FAM227B: variants seen among roughly 807,000 people sequenced by gnomAD.
FAM227B encodes family with sequence similarity 227 member B.
Under a neutral mutation model 73.8 loss-of-function variants are expected in FAM227B, and 88 were observed. The ratio of observed to expected loss-of-function variants is 1.19; its 90% CI spans 1.00 to 1.42. The LOEUF (loss-of-function observed/expected upper bound fraction) is 1.42, where lower values mean the gene tolerates loss of function less well. FAM227B is among the 40% of genes most tolerant of loss of function. FAM227B has a pLI of 0.00. For missense variants in FAM227B, 632 were observed against 590.9 expected, an observed-to-expected ratio of 1.07 and a Z score of -0.72; for synonymous variants, 210 against 190.5, an observed-to-expected ratio of 1.10 and a Z score of -0.84.
At chr15:49,462,651 C>A (rs2053910266) in intron 11 of FAM227B, among the ~76,000 whole-genome samples, 1 of 152,202 alleles carries the variant, frequency 6.6e-6, no homozygotes, top group African/African-American at 2.4e-5. Flanking sequence ...GGAAAGCTAA[C>A]TCACTGTTGC....
Position 49,371,380 on chromosome 15 carries a change from TATA to T in FAM227B, c.1029_1031del (p.Ile344del). ...ATGCTCTTGGGTTGTTCAGAATCTTTATAATATTGAAGTCGATACCTAAAACAG... is the reference window on the plus strand; with the variant it reads ...ATGCTCTTGGGTTGTTCAGAATCTTTATATTGAAGTCGATACCTAAAACAG... On this transcript the variant is annotated inframe_deletion, in exon 12 of 16. Coordinates refer to ENST00000299338, the MANE Select transcript of FAM227B (RefSeq NM_152647.3). 1 of 1,573,726 alleles carries T rather than the reference TATA, an allele frequency of 6.4e-7. No homozygotes were observed. The highest frequency in any genetic ancestry group is 2.3e-5 in the East Asian group (1 of 43,450).
intron 11 of FAM227B, among the ~76,000 whole-genome samples, chr15:49,447,856 A>G (rs1394086480): frequency 6.6e-6 from 1 of 151,738 alleles, no homozygotes; most frequent in Non-Finnish European, 1.5e-5. Context: ...GAATGAATTG[A>G]ATAAACAATA....
intron 11 of FAM227B, among the ~76,000 whole-genome samples, chr15:49,416,683 C>T (rs1325212627): frequency 6.6e-6 from 1 of 151,860 alleles, no homozygotes; most frequent in African/African-American, 2.4e-5. Context: ...CATCAATGTA[C>T]AAAAATCACT....
At chr15:49,487,622 T>C (rs2056510799) in intron 11 of FAM227B, 1 of 151,818 alleles carries the variant, frequency 6.6e-6, no homozygotes, top group Non-Finnish European at 1.5e-5. Flanking sequence ...AAAGCAATCC[T>C]ATAACAAGAA....
At chr15:49,385,363 T>A (rs1160797274) in intron 11 of FAM227B, among the ~76,000 whole-genome samples, 1 of 151,906 alleles carries the variant, frequency 6.6e-6, no homozygotes, top group African/African-American at 2.4e-5. Flanking sequence ...TAAGCCTGTT[T>A]CCTCAAACAT....
rs186284449 is a variant in FAM227B at position 49,577,610 on chromosome 15, G to A, written c.441+19C>T. Reference sequence around the variant, plus strand: ...AATACACTTGATATACAATCTGGCAGAACAGAAATTTTAAGTACCTCTATA... The same window carrying A: ...AATACACTTGATATACAATCTGGCAAAACAGAAATTTTAAGTACCTCTATA... On this transcript the variant is annotated intron_variant, in intron 6 of 15. Transcript: ENST00000299338. 8.0e-6 allele frequency: 12 copies of A among 1,505,086 alleles called. No individual in the cohort carries two copies. The East Asian group carries it at 2.0e-4, about 26-fold the overall frequency. 93.2% of individuals were successfully genotyped at this position (1,505,086 alleles called of 1,614,324 possible). A position where few individuals can be genotyped will look rare whatever the true frequency, so the allele number is the denominator to read the frequency against.
At chr15:49,352,038 G>A (rs542858951) in intron 13 of FAM227B, among the ~76,000 whole-genome samples, 1 of 152,302 alleles carries the variant, frequency 6.6e-6, no homozygotes, top group Admixed American at 6.5e-5. Context: ...GTTGTTGACT[G>A]GGACTGGAGC....
intron 3 of FAM227B, among the ~76,000 whole-genome samples, chr15:49,604,125 T>C (rs1047210396): frequency 1.3e-5 from 2 of 152,222 alleles, no homozygotes; most frequent in African/African-American, 4.8e-5. Flanking sequence ...ATACTACCAA[T>C]ACACTATTAC....
At chr15:49,330,760 A>T (rs1596200185) in intron 15 of FAM227B, 1 of 148,692 alleles carries the variant, frequency 6.7e-6, no homozygotes, top group South Asian at 2.1e-4. Context: ...AAAAAAAAAG[A>T]GAGAAAGAAT....
chr15:49,437,133 A>G (rs2151817229), intron 11 of FAM227B, among the ~76,000 whole-genome samples: 1 of 151,742 alleles, frequency 6.6e-6, no homozygotes, highest in African/African-American at 2.4e-5. Context: ...AAATTGTTAT[A>G]GAATGCATAA....
intron 11 of FAM227B, among the ~76,000 whole-genome samples, chr15:49,466,584 A>T (rs1032423956): frequency 6.6e-6 from 1 of 152,152 alleles, no homozygotes; most frequent in Non-Finnish European, 1.5e-5. Flanking sequence ...TATAACATAT[A>T]TCTTATGAAT....
At chr15:49,556,911 T>C (rs1243847468) in intron 9 of FAM227B, among the ~76,000 whole-genome samples, 2 of 152,152 alleles carry the variant, frequency 1.3e-5, no homozygotes, top group East Asian at 1.9e-4. Flanking sequence ...CAAGCGTCCA[T>C]AGGGGTCATG....
Position 49,549,877 on chromosome 15 carries a change from C to A in FAM227B, c.748-8071G>T, listed in dbSNP as rs537192135. Among the ~76,000 whole-genome samples, 2 of 152,066 alleles carry A rather than the reference C, an allele frequency of 1.3e-5. 1 individual carries two copies. Among genetic ancestry groups the A allele is most frequent in the South Asian group, 4.2e-4 (2 of 4,814 alleles). On this transcript the variant is annotated intron_variant, in intron 9 of 15. Transcript: ENST00000299338. ...GTGGTGGCCGGGCAGAGGGGCTCCT[C>A]ACTTCCCAGACGGGGTGGTTGGCCG... is the stretch of plus-strand genomic sequence containing the variant.
At chr15:49,543,847 G>A (rs1019896491) in intron 9 of FAM227B, among the ~76,000 whole-genome samples, 5 of 151,968 alleles carry the variant, frequency 3.3e-5, no homozygotes, top group Admixed American at 6.6e-5. Context: ...TATGCTCTTC[G>A]ATTTGTCTAC....
At chr15:49,536,072 C>CAAAAAAAAAAAAAAA (rs59203003) in intron 10 of FAM227B, among the ~76,000 whole-genome samples, 2 of 114,012 alleles carry the variant, frequency 1.8e-5, no homozygotes, top group African/African-American at 6.6e-5. Context: ...GGCAATCAGA[C>CAAAAAAAAAAAAAAA]AAAAAAAAAA....
chr15:49,589,774 A>G lies in FAM227B; in HGVS notation c.337+2T>C. 6.5e-7 allele frequency: 1 copy of G among 1,527,228 alleles called. No individual in the cohort carries two copies. The highest frequency in any genetic ancestry group is 1.7e-5 in the Admixed American group (1 of 58,578). The allele number at this position is 1,527,228 out of a possible 1,614,324, so 94.6% of individuals were successfully genotyped here. On this transcript the variant is annotated splice_donor_variant, in intron 4 of 15. Coordinates refer to ENST00000299338, the MANE Select transcript of FAM227B (RefSeq NM_152647.3). LOFTEE classifies it high-confidence loss of function. Reference sequence around the variant, plus strand: ...TAAAAGATAAAAATAAATAAGGCTCACTTGTCTCAGAAATCATGCTTTTCC... The same window carrying G: ...TAAAAGATAAAAATAAATAAGGCTCGCTTGTCTCAGAAATCATGCTTTTCC...
At chr15:49,610,018 G>C (rs953927574) in intron 3 of FAM227B, among the ~76,000 whole-genome samples, 2 of 151,948 alleles carry the variant, frequency 1.3e-5, no homozygotes, top group African/African-American at 4.8e-5. Flanking sequence ...GACATGGTTT[G>C]ATTTGATTTT....
chr15:49,548,460 T>C (rs1781435054), intron 9 of FAM227B, among the ~76,000 whole-genome samples: 1 of 152,230 alleles, frequency 6.6e-6, no homozygotes, highest in Non-Finnish European at 1.5e-5. Flanking sequence ...TATCCATCAG[T>C]GATACTGGTC....
chr15:49,480,855 A>G (rs2055881509), intron 11 of FAM227B, among the ~76,000 whole-genome samples: 1 of 152,148 alleles, frequency 6.6e-6, no homozygotes, highest in Non-Finnish European at 1.5e-5. Context: ...ATGTTTTGGG[A>G]GAGGGGCAAT....
Sources: gnomAD v4.1 joint callset for allele counts (sites outside exome capture counted in the v4.1 genomes callset) on GRCh38, gnomAD v4.1.1 for gene constraint, MANE v1.5 for transcripts, NCBI Gene and HGNC (gene_info 2026-07-23, HGNC 2026-07-21) for gene names.